VPS54: variants seen among roughly 807,000 people sequenced by gnomAD.
VPS54 encodes vacuolar protein sorting-associated protein 54.
In VPS54, 45 loss-of-function variants were observed where a neutral mutation model predicts 121.5. The observed-to-expected ratio is 0.37, with a 90% CI of 0.29 to 0.47. The LOEUF (loss-of-function observed/expected upper bound fraction) is 0.47, where lower values mean the gene tolerates loss of function less well. Among genes scored for constraint, VPS54 ranks in the 20% least tolerant of loss-of-function variants. The pLI is 0.99. For synonymous variants in VPS54, 371 were observed against 385.8 expected (o/e 0.96, Z 0.45); for missense variants, 1,090 against 1,131.4 (o/e 0.96, Z 0.52).
chr2:63,979,087 T>A lies in VPS54; in HGVS notation c.378+2559A>T, dbSNP rs538648410. On this transcript the variant is annotated intron_variant, in intron 3 of 22. Transcript: ENST00000272322. Reference sequence around the variant, plus strand: ...AGTGATATCACCTTTCTTATTCTTGTTATTGGTGACTTTTATCTTCTCTTT... The same window carrying A: ...AGTGATATCACCTTTCTTATTCTTGATATTGGTGACTTTTATCTTCTCTTT... Among the ~76,000 whole-genome samples the A allele has an allele frequency of 9.9e-5, 15 of 152,196 alleles. 1 individual carries two copies. Among genetic ancestry groups the A allele is most frequent in the Admixed American group, 9.8e-4 (15 of 15,278 alleles).
At chr2:63,938,212 T>G (rs1162163750) in intron 11 of VPS54, among the ~76,000 whole-genome samples, 2 of 152,050 alleles carry the variant, frequency 1.3e-5, no homozygotes, top group Non-Finnish European at 2.9e-5. Flanking sequence ...GCGATTCTCC[T>G]GCCTCAGTCT....
intron 13 of VPS54, 132 bp downstream of exon 13, chr2:63,921,074 A>G: frequency 1.1e-6 from 1 of 899,528 alleles, no homozygotes; most frequent in East Asian, 2.8e-5. Context: ...AGACCACATC[A>G]GTGGTAACAC....
At chr2:63,928,965 C>A (rs1674052587) in intron 12 of VPS54, among the ~76,000 whole-genome samples, 1 of 151,772 alleles carries the variant, frequency 6.6e-6, no homozygotes, top group African/African-American at 2.4e-5. Context: ...ACAAGAAGAA[C>A]TAACTATCCT....
chr2:64,002,668 C>T (rs1312154167), intron 1 of VPS54, among the ~76,000 whole-genome samples: 1 of 152,164 alleles, frequency 6.6e-6, no homozygotes, highest in African/African-American at 2.4e-5. Context: ...TTTCTAGATT[C>T]TTCTAAGTTA....
At chr2:63,990,239 G>C (rs1026264441) in intron 1 of VPS54, among the ~76,000 whole-genome samples, 2 of 152,126 alleles carry the variant, frequency 1.3e-5, no homozygotes, top group Admixed American at 1.3e-4. Context: ...AAAATTCAAT[G>C]TCTAACTCTG....
At chr2:63,897,729 AGTATTCTAT>A in intron 21 of VPS54, 139 bp from the exon 22 acceptor site, 1 of 536,908 alleles carries the variant, frequency 1.9e-6, no homozygotes, top group South Asian at 2.6e-5. Context: ...CTCCTCTGAA[AGTATTCTAT>A]TGCTATTTCA....
At chr2:64,006,537 G>A (rs550207149) in intron 1 of VPS54, among the ~76,000 whole-genome samples, 1 of 152,288 alleles carries the variant, frequency 6.6e-6, no homozygotes, top group African/African-American at 2.4e-5. Context: ...AATGTCATAA[G>A]ATTTAAATGA....
At chr2:63,954,247 T>C (rs925158593) in intron 7 of VPS54, among the ~76,000 whole-genome samples, 44 of 152,130 alleles carry the variant, frequency 2.9e-4, no homozygotes, top group Non-Finnish European at 5.6e-4. Flanking sequence ...TAGGAAATCA[T>C]GTCAAAAAGA....
At chr2:63,961,420 C>G (rs896918424) in intron 7 of VPS54, among the ~76,000 whole-genome samples, 1 of 152,102 alleles carries the variant, frequency 6.6e-6, no homozygotes, top group African/African-American at 2.4e-5. Context: ...CTTACTAGTA[C>G]GTGGTTTGGA....
chr2:63,960,773 A>G (rs558527175), intron 7 of VPS54, among the ~76,000 whole-genome samples: 36 of 152,354 alleles, frequency 2.4e-4, no homozygotes, highest in Non-Finnish European at 5.0e-4. Context: ...AAATCCTTAT[A>G]ATTTCAAAGG....
intron 1 of VPS54, among the ~76,000 whole-genome samples, chr2:64,010,209 A>G (rs944090312): frequency 1.3e-5 from 2 of 152,232 alleles, no homozygotes. Flanking sequence ...AAACATGGAT[A>G]AAGTGGAATT....
intron 15 of VPS54, among the ~76,000 whole-genome samples, chr2:63,917,451 ATTTAATT>A (rs1364276521): frequency 6.6e-6 from 1 of 152,058 alleles, no homozygotes; most frequent in African/African-American, 2.4e-5. Context: ...AAGATTATAT[ATTTAATT>A]TTTAATACTT....
rs570850348 is a variant in VPS54 at position 64,008,664 on chromosome 2, ATG to A, written c.-21+10272_-21+10273del. Among the ~76,000 whole-genome samples the A allele has an allele frequency of 1.6e-3, 250 of 152,264 alleles. 1 individual carries two copies. Among genetic ancestry groups the A allele is most frequent in the African/African-American group, 5.1e-3 (214 of 41,554 alleles). Reference sequence around the variant, plus strand: ...GCCTCACACCCTACTCCTGTGCCCAATGTGTGAGTGGGAGGAGGAGTGGAAAT... The same window carrying A: ...GCCTCACACCCTACTCCTGTGCCCAATGTGAGTGGGAGGAGGAGTGGAAAT... On this transcript the variant is annotated intron_variant, in intron 1 of 22. Transcript: ENST00000272322.
intron 12 of VPS54, among the ~76,000 whole-genome samples, chr2:63,930,803 A>C (rs1173435116): frequency 6.6e-6 from 1 of 152,256 alleles, no homozygotes; most frequent in African/African-American, 2.4e-5. Flanking sequence ...GCTGATAAGC[A>C]ACTTCAGCAA....
intron 17 of VPS54, among the ~76,000 whole-genome samples, chr2:63,913,586 G>C (rs960143444): frequency 6.6e-6 from 1 of 152,016 alleles, no homozygotes; most frequent in Non-Finnish European, 1.5e-5. Flanking sequence ...AACAAATTCG[G>C]TTTCAGTCAT....
chr2:63,929,174 A>G (rs1674063792), intron 12 of VPS54, among the ~76,000 whole-genome samples: 1 of 152,208 alleles, frequency 6.6e-6, no homozygotes, highest in South Asian at 2.1e-4. Flanking sequence ...CCTAATAGAC[A>G]TCTGCAGAAC....
chr2:63,931,708 G>A (rs1674213224), intron 12 of VPS54, among the ~76,000 whole-genome samples: 1 of 152,322 alleles, frequency 6.6e-6, no homozygotes, highest in South Asian at 2.1e-4. Context: ...TATCATCAGA[G>A]TGAACAGGCA....
chr2:63,970,312 T>TATATATAGATATATATAAATATATATA (rs1676225220), intron 4 of VPS54, among the ~76,000 whole-genome samples: 1 of 147,676 alleles, frequency 6.8e-6, no homozygotes, highest in Non-Finnish European at 1.5e-5. Flanking sequence ...TAGATATAGA[T>TATATATAGATATATATAAATATATATA]AAAACCCAGG....
intron 6 of VPS54, among the ~76,000 whole-genome samples, chr2:63,964,007 T>G (rs1675880338): frequency 6.6e-6 from 1 of 152,184 alleles, no homozygotes; most frequent in Admixed American, 6.5e-5. Flanking sequence ...TGCATTCCAG[T>G]GCAAACTCCT....
Sources: gnomAD v4.1 joint callset for allele counts (sites outside exome capture counted in the v4.1 genomes callset) on GRCh38, gnomAD v4.1.1 for gene constraint, MANE v1.5 for transcripts, NCBI Gene and HGNC (gene_info 2026-07-23, HGNC 2026-07-21) for gene names.